Variants in SGCZ observed in about 807,000 individuals in gnomAD.
SGCZ encodes zeta-sarcoglycan.
In SGCZ, 40 loss-of-function variants were observed where a neutral mutation model predicts 41.3. The ratio of observed to expected loss-of-function variants is 0.97; its 90% CI spans 0.75 to 1.26. SGCZ has a LOEUF of 1.26. Ranked by LOEUF, SGCZ falls within the 50% of genes most tolerant of loss-of-function variation. The probability of loss-of-function intolerance (pLI) is 0.00; values close to 1 mark genes in which losing one functional copy is unlikely to be tolerated. For synonymous variants in SGCZ, 206 were observed against 137.5 expected (o/e 1.50, Z -3.49); for missense variants, 552 against 369.8 (o/e 1.49, Z -4.04).
At chr8:14,112,735 C>A (rs1802412799) in intron 5 of SGCZ, among the ~76,000 whole-genome samples, 1 of 152,032 alleles carries the variant, frequency 6.6e-6, no homozygotes, top group African/African-American at 2.4e-5. Context: ...AAAACCAGAT[C>A]ATGAATAACA....
At chr8:14,631,411 T>C (rs1170718168) in intron 1 of SGCZ, among the ~76,000 whole-genome samples, 2 of 152,096 alleles carry the variant, frequency 1.3e-5, no homozygotes, top group African/African-American at 4.8e-5. Flanking sequence ...TGTTGAGTGG[T>C]GCCATGTCGT....
At chr8:14,336,026 T>A (rs1325696909) in intron 2 of SGCZ, among the ~76,000 whole-genome samples, 2 of 152,090 alleles carry the variant, frequency 1.3e-5, no homozygotes, top group Non-Finnish European at 2.9e-5. Flanking sequence ...GGACTAATCC[T>A]AGTTCCCAGT....
rs1213860261 is a variant in SGCZ at position 14,862,547 on chromosome 8, T to G, written c.40-307621A>C. Reference sequence around the variant, plus strand: ...ATTGCATCTTTAAGATATATATATATATATATATATATATATATATATATA... The same window carrying G: ...ATTGCATCTTTAAGATATATATATAGATATATATATATATATATATATATA... On this transcript the variant is annotated intron_variant, in intron 1 of 7. Coordinates refer to ENST00000382080, the MANE Select transcript of SGCZ (RefSeq NM_139167.4). Among the ~76,000 whole-genome samples, 20 of 112,680 alleles carry G rather than the reference T, an allele frequency of 1.8e-4. 1 individual carries two copies. The highest frequency in any genetic ancestry group is 4.6e-4 in the Admixed American group (5 of 10,884). The allele number at this position is 112,680 out of a possible 152,430, so 73.9% of individuals were successfully genotyped here.
At chr8:14,322,927 C>A (rs1585362299) in intron 3 of SGCZ, among the ~76,000 whole-genome samples, 1 of 151,954 alleles carries the variant, frequency 6.6e-6, no homozygotes, top group Admixed American at 6.6e-5. Flanking sequence ...CAAAATAAAG[C>A]AAAAGAACTA....
At chr8:14,680,601 C>T (rs1042078455) in intron 1 of SGCZ, among the ~76,000 whole-genome samples, 4 of 151,790 alleles carry the variant, frequency 2.6e-5, no homozygotes, top group African/African-American at 9.7e-5. Flanking sequence ...TTAAAAAGCT[C>T]TTATAAATAC....
chr8:14,780,594 A>C (rs999471226), intron 1 of SGCZ, among the ~76,000 whole-genome samples: 1 of 152,106 alleles, frequency 6.6e-6, no homozygotes, highest in Non-Finnish European at 1.5e-5. Flanking sequence ...TTCCTGGAGA[A>C]ACAGGTAGAA....
Position 14,130,836 on chromosome 8 carries a change from T to C in SGCZ, c.548-22601A>G, listed in dbSNP as rs184838244. The stretch of plus-strand genomic sequence containing the variant: ...GAGGCTCTAGCTTCCCTTTTCTTTG[T>C]TGCCGTGTGTGCAGTAAGCAAGCAA... On this transcript the variant is annotated intron_variant, in intron 5 of 7. Transcript: ENST00000382080. 1.5e-3 allele frequency among the ~76,000 whole-genome samples: 226 copies of C among 152,298 alleles called. 1 individual carries two copies. Among genetic ancestry groups the C allele is most frequent in the African/African-American group, 5.1e-3 (213 of 41,560 alleles).
chr8:14,528,945 A>T (rs1803041734), intron 2 of SGCZ, among the ~76,000 whole-genome samples: 1 of 152,016 alleles, frequency 6.6e-6, no homozygotes, highest in Admixed American at 6.6e-5. Context: ...GCAATATCCT[A>T]ATTTTACAGA....
At chr8:14,378,163 C>T (rs1475610159) in intron 2 of SGCZ, among the ~76,000 whole-genome samples, 16 of 150,292 alleles carry the variant, frequency 1.1e-4, no homozygotes, top group African/African-American at 4.0e-4. Context: ...AAAAGTGTTC[C>T]TATTTCTCCA....
chr8:14,743,296 A>G (rs946172536), intron 1 of SGCZ, among the ~76,000 whole-genome samples: 2 of 151,986 alleles, frequency 1.3e-5, no homozygotes, highest in African/African-American at 2.4e-5. Context: ...ACAAATAACC[A>G]TATTTTACCT....
At chr8:14,761,531 A>ATTTTT (rs1293472620) in intron 1 of SGCZ, among the ~76,000 whole-genome samples, 2 of 139,536 alleles carry the variant, frequency 1.4e-5, no homozygotes, top group Non-Finnish European at 3.1e-5. Context: ...TTATTTATTT[A>ATTTTT]TTTATTTATT....
chr8:14,293,452 C>T (rs1158056640), intron 3 of SGCZ, among the ~76,000 whole-genome samples: 1 of 151,946 alleles, frequency 6.6e-6, no homozygotes, highest in Non-Finnish European at 1.5e-5. Flanking sequence ...CCTACAGACA[C>T]CCAGTGATTT....
chr8:14,382,977 C>T (rs10106465), intron 2 of SGCZ, among the ~76,000 whole-genome samples: 10,755 of 152,064 alleles, frequency 0.071, 1,277 homozygotes, highest in African/African-American at 0.24. Flanking sequence ...TGCTCTGTCC[C>T]CTGAGAGAAA....
chr8:14,659,411 ATTTCT>A (rs1397657732), intron 1 of SGCZ, among the ~76,000 whole-genome samples: 3 of 152,164 alleles, frequency 2.0e-5, no homozygotes, highest in Non-Finnish European at 4.4e-5. Context: ...AAAAATATTG[ATTTCT>A]TTTATAATTC....
intron 5 of SGCZ, among the ~76,000 whole-genome samples, chr8:14,127,542 G>A (rs995489782): frequency 2.0e-5 from 3 of 151,924 alleles, no homozygotes; most frequent in South Asian, 2.1e-4. Flanking sequence ...TGCATCCTCC[G>A]CCTCCCGGGT....
At chr8:14,560,772 C>A (rs1473723075) in intron 1 of SGCZ, among the ~76,000 whole-genome samples, 1 of 151,524 alleles carries the variant, frequency 6.6e-6, no homozygotes, top group Non-Finnish European at 1.5e-5. Flanking sequence ...TTTGGTAAAG[C>A]AACAGAGATT....
intron 1 of SGCZ, among the ~76,000 whole-genome samples, chr8:15,163,709 G>C (rs911236225): frequency 1.3e-5 from 2 of 152,086 alleles, no homozygotes; most frequent in Non-Finnish European, 2.9e-5. Flanking sequence ...TTGATCTGGA[G>C]GATTCTTATA....
At chr8:14,473,230 G>C (rs538750425) in intron 2 of SGCZ, among the ~76,000 whole-genome samples, 9 of 152,054 alleles carry the variant, frequency 5.9e-5, no homozygotes, top group African/African-American at 2.2e-4. Context: ...TAGAGAAACA[G>C]ATAAAATCAT....
intron 1 of SGCZ, among the ~76,000 whole-genome samples, chr8:15,227,466 T>G (rs987908823): frequency 2.0e-5 from 3 of 152,226 alleles, no homozygotes; most frequent in African/African-American, 7.2e-5. Flanking sequence ...ACACGTCTTA[T>G]AATGTAAACT....
Sources: gnomAD v4.1 joint callset for allele counts (sites outside exome capture counted in the v4.1 genomes callset) on GRCh38, gnomAD v4.1.1 for gene constraint, MANE v1.5 for transcripts, NCBI Gene and HGNC (gene_info 2026-07-23, HGNC 2026-07-21) for gene names.